The following APAF1 variants were observed in gnomAD, a reference collection of about 807,000 sequenced individuals.
APAF1 encodes the protein apoptotic protease-activating factor 1.
A neutral mutation model predicts 152.4 loss-of-function variants in APAF1; 91 were observed. The ratio of observed to expected loss-of-function variants is 0.60; its 90% CI spans 0.50 to 0.71. APAF1 has a LOEUF of 0.71. Among genes scored for constraint, APAF1 ranks in the 30% least tolerant of loss-of-function variants. The probability of loss-of-function intolerance (pLI) is 0.00; values close to 1 mark genes in which losing one functional copy is unlikely to be tolerated. For missense variants in APAF1, 1,283 were observed against 1,472.0 expected (o/e 0.87, Z 2.10); for synonymous variants, 484 against 494.1 (o/e 0.98, Z 0.27).
chr12:98,732,241 T>G (rs979843602), intron 26 of APAF1, among the ~76,000 whole-genome samples, 179 bp from the exon 27 acceptor site: 4 of 152,210 alleles, frequency 2.6e-5, no homozygotes, highest in African/African-American at 4.8e-5. Flanking sequence ...TCACCAGTGT[T>G]CATCAGGAAG....
At chr12:98,724,235 C>T (rs772350178) in intron 24 of APAF1, among the ~76,000 whole-genome samples, 11 of 152,208 alleles carry the variant, frequency 7.2e-5, no homozygotes, top group Non-Finnish European at 1.2e-4. Context: ...GGGCTGTATC[C>T]TGTCTTTTGT....
At chr12:98,680,961 A>G (rs748713336) in intron 14 of APAF1, among the ~76,000 whole-genome samples, 3 of 152,234 alleles carry the variant, frequency 2.0e-5, no homozygotes, top group Non-Finnish European at 4.4e-5. Flanking sequence ...TAATTTGCTT[A>G]TGAACTGGCT....
At chr12:98,715,233 T>G (rs2097732820) in intron 21 of APAF1, among the ~76,000 whole-genome samples, 194 bp from the exon 22 acceptor site, 1 of 84,552 alleles carries the variant, frequency 1.2e-5, no homozygotes, top group Non-Finnish European at 2.2e-5. Flanking sequence ...ATACATGGTG[T>G]GCATATATAT....
intron 25 of APAF1, 139 bp from the exon 26 acceptor site, chr12:98,727,034 T>G (rs2097751565): frequency 1.4e-6 from 1 of 720,152 alleles, no homozygotes; most frequent in African/African-American, 1.8e-5. Flanking sequence ...ATGGCAATAT[T>G]AGTATCTGTG....
rs2097674587 is a variant in APAF1, at chr12:98,667,543, C to G, written c.1393C>G (p.Gln465Glu). 6.2e-7 allele frequency: 1 copy of G among 1,613,994 alleles called. No homozygotes were observed. Among genetic ancestry groups the G allele is most frequent in the East Asian group, 2.2e-5 (1 of 44,878 alleles). The change falls in exon 10 of 27, where the codon CAG becomes GAG. Residue 465 changes from glutamine to glutamate, a missense_variant. Gln to Glu is a conservative substitution (Grantham distance 29). Transcript: ENST00000551964. ...DLHKKIITQF[Q>E]RYHQPHTLSP... ...ACATAAGAAGATAATCACTCAGTTT[C>G]AGAGATATCACCAGCCGCATACTCT... is the stretch of plus-strand genomic sequence containing the variant.
chr12:98,728,714 C>G (rs1243237233), intron 26 of APAF1, among the ~76,000 whole-genome samples: 1 of 152,122 alleles, frequency 6.6e-6, no homozygotes, highest in East Asian at 1.9e-4. Flanking sequence ...CAGAGCGAGA[C>G]TATCTCAAAA....
intron 13 of APAF1, among the ~76,000 whole-genome samples, chr12:98,679,726 C>T (rs573772167): frequency 2.0e-5 from 3 of 152,250 alleles, no homozygotes; most frequent in Admixed American, 6.5e-5. Flanking sequence ...CCGGTGCCAG[C>T]GTGTAAGCTG....
rs150005477 is a variant in APAF1, at chr12:98,649,523, G to A, written c.365G>A (p.Arg122Lys). ...TVLCEGGVPQ[R>K]PVVFVTRKKL... Reference sequence around the variant, plus strand: ...CTGTGTGAAGGTGGAGTACCACAGAGGCCAGTTGTTTTTGTCACAAGGAAG... The same window carrying A: ...CTGTGTGAAGGTGGAGTACCACAGAAGCCAGTTGTTTTTGTCACAAGGAAG... Residue 122 changes from arginine (R) to lysine (K), a missense_variant, in exon 4 of 27, where the codon AGG becomes AAG. Coordinates refer to ENST00000551964, the MANE Select transcript of APAF1 (RefSeq NM_181861.2). The A allele has an allele frequency of 4.3e-6, 7 of 1,614,090 alleles. No individual in the cohort carries two copies. In the African/African-American group the frequency reaches 8.0e-5, roughly 18 times the overall value.
rs576793308 is a variant in APAF1 at position 98,684,344 on chromosome 12, C to A, written c.2178+1070C>A. On this transcript the variant is annotated intron_variant, in intron 15 of 26. Coordinates refer to ENST00000551964, the MANE Select transcript of APAF1 (RefSeq NM_181861.2). ...AGCTTGCTGCTCTGGCTGAATGGGA[C>A]CTACATTTCTTCTTGACTCTCTCTT... 5.9e-5 allele frequency among the ~76,000 whole-genome samples: 9 copies of A among 151,670 alleles called. No individual in the cohort carries two copies. In the East Asian group the frequency reaches 1.7e-3, roughly 29 times the overall value.
Position 98,725,273 on chromosome 12 carries a change from G to A in APAF1, c.3331-142G>A, listed in dbSNP as rs4762506. On this transcript the variant is annotated intron_variant, in intron 24 of 26. Transcript: ENST00000551964. Reference sequence around the variant, plus strand: ...GAAAAATTAACAAGGTTGCATGCTGGAACTTGGGCATCTCATGACAGTTTA... The same window carrying A: ...GAAAAATTAACAAGGTTGCATGCTGAAACTTGGGCATCTCATGACAGTTTA... The A allele has an allele frequency of 4.9e-6, 5 of 1,030,694 alleles. No individual in the cohort carries two copies. In the Admixed American group the frequency reaches 8.2e-5, roughly 17 times the overall value. 63.8% of individuals were successfully genotyped at this position (1,030,694 alleles called of 1,614,324 possible).
chr12:98,680,793 G>A (rs1259002443), intron 14 of APAF1, among the ~76,000 whole-genome samples: 1 of 152,160 alleles, frequency 6.6e-6, no homozygotes. Flanking sequence ...GTGGGGAAAA[G>A]CAATGACAAA....
rs563990765 is a variant in APAF1, at chr12:98,667,592, T to A, written c.1442T>A (p.Met481Lys). 6.2e-7 allele frequency: 1 copy of A among 1,614,094 alleles called. No homozygotes were observed. Among genetic ancestry groups the A allele is most frequent in the East Asian group, 2.2e-5 (1 of 44,884 alleles). The change falls in exon 10 of 27, where the codon ATG becomes AAG. Residue 481 changes from methionine to lysine, a missense_variant. Transcript: ENST00000551964. ...CTTTCACCAGATCAGGAAGACTGTA[T>A]GTATTGGTACAACTTTCTGGCCTAT... ...HTLSPDQEDC[M>K]YWYNFLAYHM...
At chr12:98,663,659 T>C (rs2097668363) in intron 7 of APAF1, among the ~76,000 whole-genome samples, 1 of 152,204 alleles carries the variant, frequency 6.6e-6, no homozygotes, top group Non-Finnish European at 1.5e-5. Context: ...TTTCTTCTTT[T>C]TCTTTTTTTT....
chr12:98,691,505 A>G (rs969409028), intron 16 of APAF1, among the ~76,000 whole-genome samples: 1 of 152,110 alleles, frequency 6.6e-6, no homozygotes, highest in African/African-American at 2.4e-5. Flanking sequence ...CTGTTTCCTG[A>G]CTACCTACTC....
chr12:98,723,501 C>T (rs775624899), intron 23 of APAF1, 138 bp from the exon 24 acceptor site: 2 of 981,612 alleles, frequency 2.0e-6, no homozygotes, highest in African/African-American at 1.6e-5. Flanking sequence ...CTGTTAGTCA[C>T]ATTTAAAGTA....
At chr12:98,689,277 A>T (rs892117284) in intron 16 of APAF1, among the ~76,000 whole-genome samples, 1 of 152,116 alleles carries the variant, frequency 6.6e-6, no homozygotes, top group Non-Finnish European at 1.5e-5. Context: ...TGTTCTGGGC[A>T]AGGTGTTTTA....
At chr12:98,656,395 G>A (rs2097657722) in intron 4 of APAF1, among the ~76,000 whole-genome samples, 3 of 152,160 alleles carry the variant, frequency 2.0e-5, no homozygotes, top group Non-Finnish European at 4.4e-5. Context: ...AGGCCTGAGG[G>A]GACCTCAGGA....
chr12:98,718,890 T>G (rs1328331810), intron 22 of APAF1, among the ~76,000 whole-genome samples: 1 of 152,012 alleles, frequency 6.6e-6, no homozygotes, highest in African/African-American at 2.4e-5. Flanking sequence ...GCTATGATCA[T>G]GCTACCGCAC....
chr12:98,648,308 T>C lies in APAF1; in HGVS notation c.-41-11T>C. The C allele has an allele frequency of 1.2e-6, 2 of 1,608,986 alleles. No homozygotes were observed. Among genetic ancestry groups the C allele is most frequent in the Non-Finnish European group, 8.5e-7 (1 of 1,175,734 alleles). On this transcript the variant is annotated splice_polypyrimidine_tract_variant and intron_variant, in intron 1 of 26. Transcript: ENST00000551964. ...ATTGGCCTGACAAATATTTTGGTGT[T>C]TTGGCTGTAGCTCATGGTTGACAGC...
Sources: allele counts gnomAD v4.1 joint callset (sites outside exome capture counted in the v4.1 genomes callset), GRCh38; gene constraint gnomAD v4.1.1; transcripts MANE v1.5; gene names NCBI Gene and HGNC (gene_info 2026-07-23, HGNC 2026-07-21).